DPM1: variants seen among roughly 807,000 people sequenced by gnomAD.
DPM1 encodes dolichol-phosphate mannosyltransferase subunit 1.
A neutral mutation model predicts 39.0 loss-of-function variants in DPM1; 27 were observed. The observed-to-expected ratio is 0.69, with a 90% CI of 0.51 to 0.95. The LOEUF (loss-of-function observed/expected upper bound fraction) is 0.95, where lower values mean the gene tolerates loss of function less well. Among genes scored for constraint, DPM1 ranks in the 40% least tolerant of loss-of-function variants. The pLI is 0.00. For synonymous variants in DPM1, 124 were observed against 109.0 expected (o/e 1.14, Z -0.86); for missense variants, 307 against 315.6 (o/e 0.97, Z 0.21).
At position 50,935,235 on chromosome 20, in the gene DPM1, A is replaced by G; in HGVS notation, c.680T>C (p.Val227Ala). 1.3e-6 allele frequency: 2 copies of G among 1,563,192 alleles called. No homozygotes were observed. The highest frequency in any genetic ancestry group is 3.9e-5 in the African/African-American group (2 of 51,772). ...AACACGATCCACAAATGATATTGGA[A>G]CCTAGTTTAAAAAAAAAAAAGTAAC... ...ARQLNYTIGEVPISFVDRVYG... is the reference protein window; with the variant it reads ...ARQLNYTIGEAPISFVDRVYG... The change falls in exon 9 of 9, where the codon GTT becomes GCT. Residue 227 changes from valine to alanine, a missense_variant and splice_region_variant. Physicochemically the swap from Val to Ala is moderately conservative, Grantham distance 64. Transcript: ENST00000371588.
intron 1 of DPM1, 94 bp downstream of exon 1, chr20:50,958,269 C>A: frequency 6.5e-7 from 1 of 1,532,756 alleles, no homozygotes; most frequent in Non-Finnish European, 8.8e-7. Flanking sequence ...GCAAAGAAGG[C>A]TGGACAGGGC....
intron 2 of DPM1, among the ~76,000 whole-genome samples, chr20:50,952,458 T>C (rs1986629970): frequency 6.6e-6 from 1 of 152,226 alleles, no homozygotes. Context: ...CAATTTATAC[T>C]AGGATCAACA....
intron 3 of DPM1, among the ~76,000 whole-genome samples, chr20:50,947,566 T>G (rs1447873531): frequency 3.3e-5 from 5 of 152,212 alleles, no homozygotes. Context: ...AGGCAGAGTT[T>G]CCTCTCAGAA....
At position 50,958,340 on chromosome 20, in the gene DPM1, GGGA is replaced by G. The variant is rs770542777; in HGVS notation, c.161+20_161+22del. ...GGAAGCCAGCTCATCTCATTCTTCG[GGGA>G]GGGAGACCTGGTGCGCTACCTCTCG... On this transcript the variant is annotated intron_variant, in intron 1 of 8. Coordinates refer to ENST00000371588, the MANE Select transcript of DPM1 (RefSeq NM_003859.3). The G allele has an allele frequency of 1.5e-5, 24 of 1,611,468 alleles. No homozygotes were observed. Among genetic ancestry groups the G allele is most frequent in the Non-Finnish European group, 2.5e-6 (3 of 1,179,974 alleles).
intron 6 of DPM1, 150 bp downstream of exon 6, chr20:50,941,880 GA>G: frequency 1.4e-6 from 1 of 712,226 alleles, no homozygotes; most frequent in Admixed American, 2.3e-5. Flanking sequence ...CTAATCACAG[GA>G]AAAACTGTAA....
At chr20:50,942,566 G>A (rs1295590582) in intron 5 of DPM1, among the ~76,000 whole-genome samples, 6 of 152,076 alleles carry the variant, frequency 3.9e-5, no homozygotes, top group Admixed American at 6.6e-5. Context: ...CTATTTGGGA[G>A]GCTGCAATGG....
At chr20:50,952,109 G>A (rs982549153) in intron 2 of DPM1, among the ~76,000 whole-genome samples, 3 of 152,162 alleles carry the variant, frequency 2.0e-5, no homozygotes, top group African/African-American at 4.8e-5. Flanking sequence ...GTGATCTTGA[G>A]AATATAAAGA....
At chr20:50,938,266 T>C (rs927663824) in intron 7 of DPM1, among the ~76,000 whole-genome samples, 1 of 152,114 alleles carries the variant, frequency 6.6e-6, no homozygotes, top group African/African-American at 2.4e-5. Context: ...AGCACCTTCT[T>C]CCTAAATCTA....
intron 3 of DPM1, among the ~76,000 whole-genome samples, chr20:50,946,743 G>A (rs1282806097): frequency 6.6e-6 from 1 of 152,218 alleles, no homozygotes; most frequent in Admixed American, 6.5e-5. Flanking sequence ...AGTGTCTTAT[G>A]AGCAAGGCTG....
At position 50,958,375 on chromosome 20, in the gene DPM1, C is replaced by A; in HGVS notation, c.149G>T (p.Ser50Ile). 1 of 1,613,796 alleles carries A rather than the reference C, an allele frequency of 6.2e-7. No individual in the cohort carries two copies. Among genetic ancestry groups the A allele is most frequent in the Non-Finnish European group, 8.5e-7 (1 of 1,180,004 alleles). Residue 50 changes from serine (S) to isoleucine (I), a missense_variant, in exon 1 of 9, where the codon AGC becomes ATC. Ser to Ile is a moderately radical substitution (Grantham distance 142). Coordinates refer to ENST00000371588, the MANE Select transcript of DPM1 (RefSeq NM_003859.3). ...LPLIVWLLVK[S>I]FSESGINYEI... ...CCTGGTGCGCTACCTCTCGGAGAAG[C>A]TTTTCACCAGCAGCCACACGATGAG...
At position 50,958,342 on chromosome 20, in the gene DPM1, G is replaced by C. The variant is rs192036742; in HGVS notation, c.161+21C>G. 4,509 of 1,611,708 alleles carry C rather than the reference G, an allele frequency of 2.8e-3. 205 individuals carry two copies. In the Admixed American group the frequency reaches 0.072, roughly 26 times the overall value. Reference sequence around the variant, plus strand: ...AAGCCAGCTCATCTCATTCTTCGGGGAGGGAGACCTGGTGCGCTACCTCTC... The same window carrying C: ...AAGCCAGCTCATCTCATTCTTCGGGCAGGGAGACCTGGTGCGCTACCTCTC... On this transcript the variant is annotated intron_variant, in intron 1 of 8. Coordinates refer to ENST00000371588, the MANE Select transcript of DPM1 (RefSeq NM_003859.3).
chr20:50,943,490 G>A (rs957440787), intron 5 of DPM1, among the ~76,000 whole-genome samples: 1 of 151,356 alleles, frequency 6.6e-6, no homozygotes, highest in Non-Finnish European at 1.5e-5. Flanking sequence ...CTCCCAAGTA[G>A]CTAGGACTAC....
Position 50,947,264 on chromosome 20 carries a change from G to A in DPM1, c.296-1341C>T, listed in dbSNP as rs563958479. Among the ~76,000 whole-genome samples the A allele has an allele frequency of 4.6e-5, 7 of 152,318 alleles. No homozygotes were observed. The East Asian group carries it at 7.7e-4, about 17-fold the overall frequency. ...TACACGCCTGTAATCCCAGCTACTC[G>A]GGAGGCTGAGGCACAAGAATGGCTC... On this transcript the variant is annotated intron_variant, in intron 3 of 8. Transcript: ENST00000371588.
intron 2 of DPM1, among the ~76,000 whole-genome samples, chr20:50,954,315 CAAA>C (rs1417249801): frequency 6.6e-6 from 1 of 152,016 alleles, no homozygotes; most frequent in East Asian, 1.9e-4. Flanking sequence ...TCACAATATC[CAAA>C]CATTTGCAGT....
chr20:50,958,342 G>A (rs192036742), intron 1 of DPM1, 21 bp downstream of exon 1: 10 of 1,611,604 alleles, frequency 6.2e-6, no homozygotes, highest in Admixed American at 3.3e-5. Context: ...ATTCTTCGGG[G>A]AGGGAGACCT....
intron 8 of DPM1, 42 bp downstream of exon 8, chr20:50,936,106 T>C: frequency 6.9e-7 from 1 of 1,438,852 alleles, no homozygotes; most frequent in Non-Finnish European, 9.8e-7. Flanking sequence ...TTACTGCTCC[T>C]TTACCAGGAA....
chr20:50,944,003 G>T (rs1271335458), intron 5 of DPM1, among the ~76,000 whole-genome samples: 1 of 152,108 alleles, frequency 6.6e-6, no homozygotes, highest in African/African-American at 2.4e-5. Flanking sequence ...GCCCCCCAAA[G>T]TGCTGGGATT....
chr20:50,952,981 G>T (rs991784777), intron 2 of DPM1, among the ~76,000 whole-genome samples: 1 of 152,170 alleles, frequency 6.6e-6, no homozygotes, highest in Non-Finnish European at 1.5e-5. Context: ...GGGTAACTAC[G>T]TGAGGTGATG....
In DPM1 at chr20:50,936,180, G is replaced by C. The variant is rs772868408; in HGVS notation, c.646C>G (p.Arg216Gly). Residue 216 changes from arginine to glycine, a missense_variant, in exon 8 of 9, where the codon CGG becomes GGG. Transcript: ENST00000371588. ...ATAGTATAATTCAACTGTCTTGCCC[G>C]AACAATCATCTCCATCTGGAAGACG... ...GYVFQMEMIV[R>G]ARQLNYTIGE... 6.2e-7 allele frequency: 1 copy of C among 1,613,462 alleles called. No individual in the cohort carries two copies. Among genetic ancestry groups the C allele is most frequent in the Non-Finnish European group, 8.5e-7 (1 of 1,179,594 alleles).
Sources: gnomAD v4.1 joint callset for allele counts (sites outside exome capture counted in the v4.1 genomes callset) on GRCh38, gnomAD v4.1.1 for gene constraint, MANE v1.5 for transcripts, NCBI Gene and HGNC (gene_info 2026-07-23, HGNC 2026-07-21) for gene names.